The following KCNH5 variants were observed in gnomAD, a reference collection of about 807,000 sequenced individuals.
The protein encoded by KCNH5 is potassium voltage-gated channel subfamily H member 5.
KCNH5 carries 46 observed loss-of-function variants against 96.1 expected under a neutral mutation model. The ratio of observed to expected loss-of-function variants is 0.48; its 90% CI spans 0.38 to 0.61. The LOEUF is 0.61. KCNH5 is among the 20% of genes least tolerant of loss of function. KCNH5 has a pLI of 0.00. For synonymous variants in KCNH5, 439 were observed against 449.8 expected (o/e 0.98, Z 0.30); for missense variants, 907 against 1,225.8 (o/e 0.74, Z 3.88).
At chr14:62,869,607 C>T (rs1044498286) in intron 7 of KCNH5, among the ~76,000 whole-genome samples, 2 of 152,120 alleles carry the variant, frequency 1.3e-5, no homozygotes, top group Admixed American at 6.6e-5. Context: ...TTTATCCATG[C>T]CTATGTCCTG....
intron 10 of KCNH5, among the ~76,000 whole-genome samples, chr14:62,773,796 T>A (rs1461472743): frequency 6.6e-6 from 1 of 152,204 alleles, no homozygotes. Flanking sequence ...GAAATGAAAT[T>A]CGCTTGACTG....
chr14:62,782,973 G>A (rs1886250188), intron 9 of KCNH5, among the ~76,000 whole-genome samples: 1 of 152,066 alleles, frequency 6.6e-6, no homozygotes, highest in Non-Finnish European at 1.5e-5. Context: ...AATTGCCTAA[G>A]TGCCAAATTT....
At chr14:62,758,485 C>A (rs993710275) in intron 10 of KCNH5, among the ~76,000 whole-genome samples, 2 of 152,124 alleles carry the variant, frequency 1.3e-5, no homozygotes, top group African/African-American at 4.8e-5. Context: ...AATCAAATTC[C>A]TCTTTTCCCT....
chr14:62,707,447 T>C lies in KCNH5; in HGVS notation c.*61A>G. Reference sequence around the variant, plus strand: ...AGTGAAAATATATATATGTATATACTGTATATACACACATATGTATATACT... The same window carrying C: ...AGTGAAAATATATATATGTATATACCGTATATACACACATATGTATATACT... On this transcript the variant is annotated 3_prime_UTR_variant, in exon 11 of 11. Transcript: ENST00000322893. 1.4e-6 allele frequency: 1 copy of C among 719,802 alleles called. No individual in the cohort carries two copies. Among genetic ancestry groups the C allele is most frequent in the Non-Finnish European group, 2.0e-6 (1 of 502,612 alleles). 44.6% of individuals were successfully genotyped at this position (719,802 alleles called of 1,614,324 possible).
chr14:62,929,994 G>A lies in KCNH5; in HGVS notation c.1369+20139C>T, dbSNP rs563582666. On this transcript the variant is annotated intron_variant, in intron 7 of 10. Coordinates refer to ENST00000322893, the MANE Select transcript of KCNH5 (RefSeq NM_139318.5). ...CTTTTTTGTGGCTGCATAGTATTCC[G>A]TGGTGTATATGTAGCACACTTTTTA... Among the ~76,000 whole-genome samples, 223 of 152,114 alleles carry A rather than the reference G, an allele frequency of 1.5e-3. 2 individuals are homozygous for A. The highest frequency in any genetic ancestry group is 2.4e-3 in the Non-Finnish European group (161 of 67,968).
intron 7 of KCNH5, among the ~76,000 whole-genome samples, chr14:62,908,780 G>GTCTTTTTTTTTT (rs1451340124): frequency 5.0e-5 from 1 of 19,802 alleles, no homozygotes; most frequent in African/African-American, 2.2e-4. Flanking sequence ...ATTTTGCTTT[G>GTCTTTTTTTTTT]TATTTTTTTT....
chr14:62,978,552 A>C (rs1212064793), intron 6 of KCNH5, among the ~76,000 whole-genome samples: 4 of 149,178 alleles, frequency 2.7e-5, no homozygotes, highest in Non-Finnish European at 5.9e-5. Context: ...GAGCCCCTGC[A>C]CTCCTGCTTG....
At chr14:62,901,338 G>A (rs947445004) in intron 7 of KCNH5, among the ~76,000 whole-genome samples, 6 of 151,776 alleles carry the variant, frequency 4.0e-5, no homozygotes, top group African/African-American at 1.5e-4. Flanking sequence ...CCCAGATACC[G>A]AGGATAGTAC....
At chr14:62,964,289 C>A (rs966410526) in intron 6 of KCNH5, among the ~76,000 whole-genome samples, 7 of 152,122 alleles carry the variant, frequency 4.6e-5, no homozygotes, top group African/African-American at 1.7e-4. Context: ...AATCTTCCAT[C>A]ACTTGAGGTC....
At chr14:62,853,742 GCTCATGC>G (rs1036164630) in intron 7 of KCNH5, among the ~76,000 whole-genome samples, 2 of 151,586 alleles carry the variant, frequency 1.3e-5, no homozygotes, top group African/African-American at 4.8e-5. Flanking sequence ...GGGTGCAGTG[GCTCATGC>G]CTGTAATCTC....
chr14:62,877,090 A>G (rs1165041627), intron 7 of KCNH5, among the ~76,000 whole-genome samples: 2 of 152,166 alleles, frequency 1.3e-5, no homozygotes, highest in African/African-American at 4.8e-5. Flanking sequence ...ATTGATCTAT[A>G]TCTCTGGATT....
chr14:62,712,001 C>A (rs1481544543), intron 10 of KCNH5, among the ~76,000 whole-genome samples: 1 of 152,122 alleles, frequency 6.6e-6, no homozygotes, highest in East Asian at 1.9e-4. Flanking sequence ...TGAAGTAGAT[C>A]CCCCTTTCTC....
chr14:62,704,340 A>G lies in KCNH5; in HGVS notation c.*3168T>C, dbSNP rs1165037279. The G allele has an allele frequency of 1.3e-5, 2 of 151,924 alleles. No individual in the cohort carries two copies. Among genetic ancestry groups the G allele is most frequent in the Admixed American group, 1.3e-4 (2 of 15,252 alleles). The allele number at this position is 151,924 out of a possible 1,614,324, so 9.4% of individuals were successfully genotyped here. ...GGCCTGTATTCAACCACGTCATTCA[A>G]TTCAACCACTGTGCCTGAACCATTT... On this transcript the variant is annotated 3_prime_UTR_variant, in exon 11 of 11. Transcript: ENST00000322893.
intron 7 of KCNH5, among the ~76,000 whole-genome samples, chr14:62,938,546 A>G (rs1889728700): frequency 6.6e-6 from 1 of 152,230 alleles, no homozygotes; most frequent in Admixed American, 6.5e-5. Flanking sequence ...TTCTAAATAT[A>G]TTCATCTATG....
At chr14:62,985,185 T>C (rs1890681931) in intron 5 of KCNH5, among the ~76,000 whole-genome samples, 1 of 152,222 alleles carries the variant, frequency 6.6e-6, no homozygotes, top group African/African-American at 2.4e-5. Context: ...TTTTAAATAT[T>C]GTGATTATTA....
intron 3 of KCNH5, among the ~76,000 whole-genome samples, chr14:63,002,649 A>G (rs1193256330): frequency 2.0e-5 from 3 of 152,204 alleles, no homozygotes; most frequent in Non-Finnish European, 4.4e-5. Flanking sequence ...AATAAAAAAT[A>G]AAAAAGTCAC....
intron 7 of KCNH5, among the ~76,000 whole-genome samples, chr14:62,880,858 A>C (rs1162947105): frequency 6.6e-6 from 1 of 152,210 alleles, no homozygotes; most frequent in Non-Finnish European, 1.5e-5. Flanking sequence ...TTTTTAGAAG[A>C]TGAAAATAAA....
intron 7 of KCNH5, among the ~76,000 whole-genome samples, chr14:62,903,010 G>A (rs192828950): frequency 1.2e-4 from 18 of 152,246 alleles, no homozygotes; most frequent in South Asian, 4.1e-4. Context: ...GAGCCACCAC[G>A]TCTGCGATAA....
Position 62,733,824 on chromosome 14 carries a change from C to T in KCNH5, c.2020-25369G>A, listed in dbSNP as rs372192990. 2.5e-4 allele frequency among the ~76,000 whole-genome samples: 38 copies of T among 152,198 alleles called. 1 individual carries two copies. The South Asian group carries it at 7.9e-3, about 32-fold the overall frequency. On this transcript the variant is annotated intron_variant, in intron 10 of 10. Transcript: ENST00000322893. ...TGCTTCCTTTATTGGCATTCATGGG[C>T]TCTCTATCATCCCTTCAAACACTGG... is the stretch of plus-strand genomic sequence containing the variant.
Sources: gnomAD v4.1 joint callset for allele counts (sites outside exome capture counted in the v4.1 genomes callset) on GRCh38, gnomAD v4.1.1 for gene constraint, MANE v1.5 for transcripts, NCBI Gene and HGNC (gene_info 2026-07-23, HGNC 2026-07-21) for gene names.